The following CEP78 variants were observed in gnomAD, a reference collection of about 807,000 sequenced individuals.
The protein encoded by CEP78 is centrosomal protein of 78 kDa.
A neutral mutation model predicts 81.2 loss-of-function variants in CEP78; 76 were observed. The ratio of observed to expected loss-of-function variants is 0.94; its 90% CI spans 0.78 to 1.13. The LOEUF (loss-of-function observed/expected upper bound fraction) is 1.13. Ranked by LOEUF, CEP78 falls within the 50% of genes most tolerant of loss-of-function variation. The pLI is 0.00. For synonymous variants in CEP78, 293 were observed against 301.4 expected, an observed-to-expected ratio of 0.97 and a Z score of 0.29; for missense variants, 918 against 846.8, an observed-to-expected ratio of 1.08 and a Z score of -1.04.
chr9:78,245,605 A>G (rs1353766800), intron 5 of CEP78, among the ~76,000 whole-genome samples: 1 of 152,234 alleles, frequency 6.6e-6, no homozygotes, highest in Non-Finnish European at 1.5e-5. Flanking sequence ...GTAATGGTAT[A>G]CACGTGCTTT....
At chr9:78,251,107 TTAA>T in intron 8 of CEP78, among the ~76,000 whole-genome samples, 1 of 152,344 alleles carries the variant, frequency 6.6e-6, no homozygotes, top group East Asian at 1.9e-4. Flanking sequence ...GTGAATTTTA[TTAA>T]TATTAATAGG....
chr9:78,256,531 T>A (rs1422010854), intron 11 of CEP78, among the ~76,000 whole-genome samples: 3 of 139,534 alleles, frequency 2.2e-5, no homozygotes, highest in African/African-American at 5.4e-5. Flanking sequence ...CTTATTTTTT[T>A]TTTTTTTTTT....
chr9:78,255,132 G>A (rs1826959039), intron 11 of CEP78, among the ~76,000 whole-genome samples, 168 bp downstream of exon 11: 1 of 152,106 alleles, frequency 6.6e-6, no homozygotes, highest in South Asian at 2.1e-4. Context: ...AGGTAAAAGG[G>A]AGGACGTCTG....
intron 11 of CEP78, among the ~76,000 whole-genome samples, chr9:78,255,924 T>C (rs1353563779): frequency 1.3e-5 from 2 of 152,216 alleles, no homozygotes; most frequent in Non-Finnish European, 2.9e-5. Context: ...ATTATAGCCA[T>C]TGGGGAGACC....
rs35518970 is a variant in CEP78, at chr9:78,273,579, C to CAAAAAA, written c.*2741_*2746dup. 8.6e-6 allele frequency: 1 copy of CAAAAAA among 116,870 alleles called. No homozygotes were observed. 7.2% of individuals were successfully genotyped at this position (116,870 alleles called of 1,614,324 possible). On this transcript the variant is annotated 3_prime_UTR_variant, in exon 17 of 17. Transcript: ENST00000643273. Reference sequence around the variant, plus strand: ...CAAAACTCCGTCTCTACTAAAAATACAAAAAAAAAAAAAAAAAATTAGCTG... The same window carrying CAAAAAA: ...CAAAACTCCGTCTCTACTAAAAATACAAAAAAAAAAAAAAAAAAAAAAAATTAGCTG...
chr9:78,245,244 G>T (rs143109208), intron 5 of CEP78, among the ~76,000 whole-genome samples: 390 of 151,946 alleles, frequency 2.6e-3, no homozygotes, highest in African/African-American at 9.2e-3. Flanking sequence ...ATTATATTCT[G>T]GGTGGCTTAA....
At chr9:78,247,277 G>A (rs1826537851) in intron 6 of CEP78, among the ~76,000 whole-genome samples, 2 of 152,162 alleles carry the variant, frequency 1.3e-5, no homozygotes, top group Non-Finnish European at 2.9e-5. Context: ...GGGCAGGTGG[G>A]ACTATATTAG....
chr9:78,257,908 C>G (rs945642731), intron 11 of CEP78, among the ~76,000 whole-genome samples: 1 of 152,168 alleles, frequency 6.6e-6, no homozygotes, highest in African/African-American at 2.4e-5. Flanking sequence ...TAGGCGGTCA[C>G]TCTATACAAG....
chr9:78,248,260 T>G, intron 6 of CEP78, 31 bp from the exon 7 acceptor site: 1 of 1,190,494 alleles, frequency 8.4e-7, no homozygotes, highest in Non-Finnish European at 1.2e-6. Flanking sequence ...GGGAAATAAT[T>G]ACTATAATTT....
At chr9:78,246,977 C>G (rs1826521441) in intron 6 of CEP78, among the ~76,000 whole-genome samples, 195 bp downstream of exon 6, 1 of 152,200 alleles carries the variant, frequency 6.6e-6, no homozygotes, top group Non-Finnish European at 1.5e-5. Flanking sequence ...GGCTGCTACT[C>G]TGAATAGGAG....
At chr9:78,261,641 C>A (rs890124291) in intron 11 of CEP78, among the ~76,000 whole-genome samples, 1 of 152,086 alleles carries the variant, frequency 6.6e-6, no homozygotes, top group Non-Finnish European at 1.5e-5. Flanking sequence ...TGTAATTGTG[C>A]TTTGATGTGA....
chr9:78,255,966 C>T (rs1414957495), intron 11 of CEP78, among the ~76,000 whole-genome samples: 3 of 152,188 alleles, frequency 2.0e-5, no homozygotes, highest in African/African-American at 7.2e-5. Context: ...TTGGGAATTT[C>T]TGATTCAAGA....
chr9:78,267,190 A>G, intron 16 of CEP78: 1 of 506,864 alleles, frequency 2.0e-6, no homozygotes, highest in South Asian at 1.7e-5. Flanking sequence ...ACATTGATTC[A>G]GCAATTGTTT....
intron 8 of CEP78, chr9:78,249,977 A>G (rs1465579189): frequency 3.5e-6 from 1 of 288,360 alleles, no homozygotes; most frequent in Non-Finnish European, 6.3e-6. Flanking sequence ...TAAATTTTTG[A>G]AGGATATCAC....
At chr9:78,258,738 G>GC (rs982227215) in intron 11 of CEP78, among the ~76,000 whole-genome samples, 1 of 152,130 alleles carries the variant, frequency 6.6e-6, no homozygotes, top group African/African-American at 2.4e-5. Flanking sequence ...AATCCAAGTA[G>GC]CCCATAAGTA....
In CEP78 at chr9:78,253,432, G is replaced by A. The variant is rs1017366694; in HGVS notation, c.1251+155G>A. 1.2e-5 allele frequency: 7 copies of A among 599,460 alleles called. No homozygotes were observed. The Admixed American group carries it at 2.0e-4, about 17-fold the overall frequency. 37.1% of individuals were successfully genotyped at this position (599,460 alleles called of 1,614,324 possible). On this transcript the variant is annotated intron_variant, in intron 10 of 16. Transcript: ENST00000643273. ...TTTTCTGGGTTCTCCCGGTGCCACA[G>A]TATAGGCGTGTGGATATGTCACACA...
At chr9:78,253,379 T>A in intron 10 of CEP78, 102 bp downstream of exon 10, 1 of 705,952 alleles carries the variant, frequency 1.4e-6, no homozygotes, top group Admixed American at 2.4e-5. Context: ...AAGAAACATT[T>A]CCCTCCCTGA....
intron 3 of CEP78, among the ~76,000 whole-genome samples, chr9:78,240,696 C>G (rs367668705): frequency 1.5e-4 from 23 of 152,098 alleles, no homozygotes; most frequent in African/African-American, 5.6e-4. Context: ...CGTGGTGGCT[C>G]ACGCCTGTGA....
intron 16 of CEP78, among the ~76,000 whole-genome samples, chr9:78,269,720 C>A (rs1209487157): frequency 6.6e-6 from 1 of 152,082 alleles, no homozygotes; most frequent in Non-Finnish European, 1.5e-5. Flanking sequence ...GGCAGGAATG[C>A]CCTGAGGGGG....
Sources: allele counts gnomAD v4.1 joint callset (sites outside exome capture counted in the v4.1 genomes callset), GRCh38; gene constraint gnomAD v4.1.1; transcripts MANE v1.5; gene names NCBI Gene and HGNC (gene_info 2026-07-23, HGNC 2026-07-21).